The following TRAK2 variants were observed in gnomAD, a reference collection of about 807,000 sequenced individuals.
TRAK2 encodes the protein trafficking kinesin protein 2.
A neutral mutation model predicts 104.6 loss-of-function variants in TRAK2; 81 were observed. The ratio of observed to expected loss-of-function variants is 0.77; its 90% CI spans 0.65 to 0.93. TRAK2 has a LOEUF of 0.93. Ranked by LOEUF, TRAK2 falls within the 40% of genes least tolerant of loss-of-function variation. The pLI is 0.00. For synonymous variants in TRAK2, 406 were observed against 394.4 expected, an observed-to-expected ratio of 1.03 and a Z score of -0.35; for missense variants, 1,002 against 1,089.0, an observed-to-expected ratio of 0.92 and a Z score of 1.12.
intron 3 of TRAK2, 88 bp downstream of exon 3, chr2:201,407,315 C>T: frequency 1.7e-6 from 2 of 1,159,710 alleles, no homozygotes; most frequent in South Asian, 2.8e-5. Flanking sequence ...ACAATGGCTA[C>T]TAAACATCAG....
intron 1 of TRAK2, among the ~76,000 whole-genome samples, chr2:201,431,360 T>C (rs1459022053): frequency 6.6e-6 from 1 of 152,180 alleles, no homozygotes; most frequent in East Asian, 1.9e-4. Flanking sequence ...ATGAAAAGTG[T>C]CAATGGACCA....
At chr2:201,392,409 A>G (rs1951456312) in intron 10 of TRAK2, among the ~76,000 whole-genome samples, 1 of 152,198 alleles carries the variant, frequency 6.6e-6, no homozygotes, top group Non-Finnish European at 1.5e-5. Context: ...CCAACATTAC[A>G]AATTCTAATA....
At chr2:201,390,456 C>T (rs1403184729) in intron 10 of TRAK2, among the ~76,000 whole-genome samples, 6 of 146,674 alleles carry the variant, frequency 4.1e-5, no homozygotes, top group South Asian at 2.2e-4. Context: ...CCCAGCTACT[C>T]GGGAGGCTGA....
At chr2:201,431,407 T>C (rs970727666) in intron 1 of TRAK2, among the ~76,000 whole-genome samples, 1 of 152,202 alleles carries the variant, frequency 6.6e-6, no homozygotes, top group East Asian at 1.9e-4. Context: ...CCCCTCCCTC[T>C]GGAGGCTCCA....
chr2:201,412,311 T>G lies in TRAK2; in HGVS notation c.92-4714A>C, dbSNP rs1951654171. ...GGAATAAGGTATCAAAATATTGCAG[T>G]GTTACTGCACCAACATCATCAAAGA... On this transcript the variant is annotated intron_variant, in intron 2 of 15. Coordinates refer to ENST00000332624, the MANE Select transcript of TRAK2 (RefSeq NM_015049.3). 2.3e-6 allele frequency: 3 copies of G among 1,292,146 alleles called. No homozygotes were observed. In the South Asian group the frequency reaches 3.6e-5, roughly 15 times the overall value. 80.0% of individuals were successfully genotyped at this position (1,292,146 alleles called of 1,614,324 possible). A position where few individuals can be genotyped will look rare whatever the true frequency, so the allele number is the denominator to read the frequency against.
rs188783084 is a variant in TRAK2 at position 201,394,918 on chromosome 2, T to C, written c.901-46A>G. On this transcript the variant is annotated intron_variant, in intron 8 of 15. Transcript: ENST00000332624. ...ACATGTGAAGCCTTTCCAAGTAAAA[T>C]ATAGCTATTCTCTTTCTTATAAAGA... 3 of 1,467,856 alleles carry C rather than the reference T, an allele frequency of 2.0e-6. No individual in the cohort carries two copies. In the East Asian group the frequency reaches 6.8e-5, roughly 33 times the overall value. The allele number at this position is 1,467,856 out of a possible 1,614,324, so 90.9% of individuals were successfully genotyped here.
chr2:201,388,104 A>T, intron 12 of TRAK2, 103 bp from the exon 13 acceptor site: 1 of 1,251,834 alleles, frequency 8.0e-7, no homozygotes, highest in Non-Finnish European at 1.2e-6. Flanking sequence ...GATATTAAAA[A>T]CATGATATTT....
Position 201,392,982 on chromosome 2 carries a change from A to C in TRAK2, c.1040T>G (p.Ile347Arg), listed in dbSNP as rs750286272. The C allele has an allele frequency of 5.0e-6, 8 of 1,613,666 alleles. No individual in the cohort carries two copies. The South Asian group carries it at 8.8e-5, about 18-fold the overall frequency. The change falls in exon 10 of 16, where the codon ATA becomes AGA. Residue 347 changes from isoleucine to arginine, a missense_variant. Physicochemically the swap from Ile to Arg is moderately conservative, Grantham distance 97. Transcript: ENST00000332624. The part of the protein sequence containing the change: ...LGMLHESQEE[I>R]KELRSRSGPT... The stretch of plus-strand genomic sequence containing the variant: ...GCCAGATCTACTACGAAGTTCCTTT[A>C]TTTCTTCTTGGGATTCATGTAACAT...
Position 201,387,960 on chromosome 2 carries a change from C to G in TRAK2, c.1439G>C (p.Ser480Thr). Residue 480 changes from serine (S) to threonine (T), a missense_variant, in exon 13 of 16, where the codon AGT becomes ACT. Transcript: ENST00000332624. ...KMGQPGPSGD[S>T]DLATALHRLS... Reference sequence around the variant, plus strand: ...GCGATGCAGTGCTGTAGCCAAATCACTATCTCCTGAGGGTCCTGGTTGGCC... The same window carrying G: ...GCGATGCAGTGCTGTAGCCAAATCAGTATCTCCTGAGGGTCCTGGTTGGCC... 2 of 1,614,144 alleles carry G rather than the reference C, an allele frequency of 1.2e-6. No homozygotes were observed. Among genetic ancestry groups the G allele is most frequent in the South Asian group, 2.2e-5 (2 of 91,084 alleles).
chr2:201,385,313 G>A (rs561394635), intron 14 of TRAK2, among the ~76,000 whole-genome samples: 1 of 152,000 alleles, frequency 6.6e-6, no homozygotes, highest in Admixed American at 6.5e-5. Flanking sequence ...TATTCAAAAT[G>A]TAGGATACGA....
chr2:201,443,802 C>T (rs568730802), intron 1 of TRAK2, among the ~76,000 whole-genome samples: 1 of 152,298 alleles, frequency 6.6e-6, no homozygotes, highest in South Asian at 2.1e-4. Context: ...TATGAACCAA[C>T]AAACCTCCTA....
In TRAK2 at chr2:201,449,904, G is replaced by T. The variant is rs999099954; in HGVS notation, c.-200+1446C>A. Among the ~76,000 whole-genome samples the T allele has an allele frequency of 7.9e-5, 12 of 152,084 alleles. No individual in the cohort carries two copies. The South Asian group carries it at 2.1e-3, about 26-fold the overall frequency. On this transcript the variant is annotated intron_variant, in intron 1 of 15. Transcript: ENST00000332624. ...AGACGGGTTTCTCCATGTTGGTCAG[G>T]CTGTTCTTGAACTCTCCACCTCAGG...
chr2:201,394,814 C>A lies in TRAK2; in HGVS notation c.959G>T (p.Arg320Leu). The stretch of plus-strand genomic sequence containing the variant: ...TTTCATTACCTCCATTGTCAGTTGC[C>A]GTTGGGCATCTTTGGAAGCTTGCAG... Reference protein sequence around the residue: ...LHLQASKDAQRQLTMELHELQ... With the variant: ...LHLQASKDAQLQLTMELHELQ... Residue 320 changes from arginine to leucine, a missense_variant, in exon 9 of 16, where the codon CGG becomes CTG. Coordinates refer to ENST00000332624, the MANE Select transcript of TRAK2 (RefSeq NM_015049.3). The A allele has an allele frequency of 6.2e-7, 1 of 1,613,878 alleles. No individual in the cohort carries two copies. The highest frequency in any genetic ancestry group is 1.1e-5 in the South Asian group (1 of 91,054).
At chr2:201,404,218 A>G (rs1446056248) in intron 3 of TRAK2, among the ~76,000 whole-genome samples, 1 of 152,236 alleles carries the variant, frequency 6.6e-6, no homozygotes, top group African/African-American at 2.4e-5. Context: ...ATGTAGAGGT[A>G]GCCAAGCAGG....
At chr2:201,442,454 T>C (rs1478166777) in intron 1 of TRAK2, among the ~76,000 whole-genome samples, 1 of 152,090 alleles carries the variant, frequency 6.6e-6, no homozygotes, top group Admixed American at 6.5e-5. Flanking sequence ...TGATTTACTT[T>C]ACAAAAATGA....
At chr2:201,415,755 G>GT (rs1312372914) in intron 2 of TRAK2, among the ~76,000 whole-genome samples, 4 of 152,084 alleles carry the variant, frequency 2.6e-5, no homozygotes, top group Non-Finnish European at 4.4e-5. Flanking sequence ...GCAGTCTGAA[G>GT]TCCCAGAAGA....
rs1441165035 is a variant in TRAK2, at chr2:201,389,846, C to T, written c.1148G>A (p.Arg383His). 1.7e-5 allele frequency: 28 copies of T among 1,613,646 alleles called. No homozygotes were observed. The highest frequency in any genetic ancestry group is 1.0e-4 in the Admixed American group (6 of 59,926). Residue 383 changes from arginine to histidine, a missense_variant, in exon 11 of 16, where the codon CGT becomes CAT. Coordinates refer to ENST00000332624, the MANE Select transcript of TRAK2 (RefSeq NM_015049.3). ...SLAAEIEGTM[R>H]KKLSLDEESS... is the part of the protein sequence containing the mutation. ...TTCCTCATCCAAACTCAGCTTTTTA[C>T]GCATAGTCCCCTCAATCTCAGCTGC...
intron 9 of TRAK2, among the ~76,000 whole-genome samples, chr2:201,393,956 T>C (rs1951473189): frequency 1.3e-5 from 2 of 152,198 alleles, no homozygotes; most frequent in Non-Finnish European, 2.9e-5. Flanking sequence ...CCTTATGTTG[T>C]ACAGGCTGGT....
intron 1 of TRAK2, among the ~76,000 whole-genome samples, chr2:201,427,888 C>T (rs1951804321): frequency 6.6e-6 from 1 of 152,076 alleles, no homozygotes; most frequent in Non-Finnish European, 1.5e-5. Flanking sequence ...GATGGTATCC[C>T]ATTGTGGTTT....
Sources: gnomAD v4.1 joint callset for allele counts (sites outside exome capture counted in the v4.1 genomes callset) on GRCh38, gnomAD v4.1.1 for gene constraint, MANE v1.5 for transcripts, NCBI Gene and HGNC (gene_info 2026-07-23, HGNC 2026-07-21) for gene names.